Variants in MAPKAP1 observed in about 807,000 individuals in gnomAD.
MAPKAP1 encodes MAPK associated protein 1.
Under a neutral mutation model 65.7 loss-of-function variants are expected in MAPKAP1, and 20 were observed. That is an observed-to-expected ratio of 0.30 (90% CI 0.21 to 0.44). MAPKAP1 has a LOEUF of 0.44. MAPKAP1 is among the 20% of genes least tolerant of loss of function. The pLI is 1.00. For missense variants in MAPKAP1, 423 were observed against 648.0 expected (o/e 0.65, Z 3.77); for synonymous variants, 222 against 244.3 (o/e 0.91, Z 0.85).
chr9:125,528,847 CAAAAAAAAAA>C (rs61378848), intron 7 of MAPKAP1, among the ~76,000 whole-genome samples: 18 of 44,126 alleles, frequency 4.1e-4, no homozygotes, highest in African/African-American at 1.2e-3. Flanking sequence ...GACTCCGTCT[CAAAAAAAAAA>C]AAAAAAAAAA....
At chr9:125,450,854 G>A (rs1852920882) in intron 10 of MAPKAP1, among the ~76,000 whole-genome samples, 1 of 152,084 alleles carries the variant, frequency 6.6e-6, no homozygotes, top group Non-Finnish European at 1.5e-5. Context: ...TTTGGTCTCT[G>A]GGCTGAAAAC....
At chr9:125,490,774 G>C (rs1368590578) in intron 8 of MAPKAP1, among the ~76,000 whole-genome samples, 3 of 152,108 alleles carry the variant, frequency 2.0e-5, no homozygotes, top group African/African-American at 7.2e-5. Flanking sequence ...GAAAATCCAG[G>C]TGTCTTCTAT....
At chr9:125,540,494 G>T (rs927887142) in intron 7 of MAPKAP1, among the ~76,000 whole-genome samples, 3 of 152,236 alleles carry the variant, frequency 2.0e-5, no homozygotes, top group African/African-American at 7.2e-5. Context: ...CATGGCATGT[G>T]TATTTTGATT....
At chr9:125,668,741 CTAA>C (rs1307723744) in intron 3 of MAPKAP1, among the ~76,000 whole-genome samples, 1 of 152,138 alleles carries the variant, frequency 6.6e-6, no homozygotes, top group Non-Finnish European at 1.5e-5. Context: ...ACAGCAAATG[CTAA>C]TAATACCAGC....
chr9:125,439,079 G>A lies in MAPKAP1; in HGVS notation c.1444-67C>T. ...TCCCTACCCACCCAGGGCATCGGAG[G>A]GGGTGGCAGGGAAGGCCCTGACCTG... On this transcript the variant is annotated intron_variant, in intron 11 of 11. Coordinates refer to ENST00000265960, the MANE Select transcript of MAPKAP1 (RefSeq NM_001006617.3). This position sits in a 1 kb window ranked among gnomAD's most constrained non-coding sequence, Gnocchi z 4.0. The A allele has an allele frequency of 2.5e-6, 4 of 1,582,818 alleles. No homozygotes were observed. The highest frequency in any genetic ancestry group is 3.4e-6 in the Non-Finnish European group (4 of 1,162,892).
intron 4 of MAPKAP1, among the ~76,000 whole-genome samples, chr9:125,609,215 G>A (rs987985189): frequency 6.6e-6 from 1 of 152,090 alleles, no homozygotes; most frequent in African/African-American, 2.4e-5. Context: ...CTGAACTGAT[G>A]GGAATGAAAA....
intron 1 of MAPKAP1, among the ~76,000 whole-genome samples, chr9:125,687,397 A>T (rs1459093521): frequency 6.6e-6 from 1 of 152,122 alleles, no homozygotes. Context: ...TGACTTTAGG[A>T]GAGTCAGTGC....
intron 1 of MAPKAP1, among the ~76,000 whole-genome samples, chr9:125,689,416 C>A (rs1346174381): frequency 9.1e-6 from 1 of 109,568 alleles, no homozygotes; most frequent in East Asian, 2.7e-4. Flanking sequence ...GCCTGGGCGA[C>A]AGAGTGAGAC....
chr9:125,499,114 G>C (rs984247917), intron 8 of MAPKAP1, among the ~76,000 whole-genome samples: 3 of 152,210 alleles, frequency 2.0e-5, no homozygotes, highest in Admixed American at 6.5e-5. Context: ...AGGTCACACA[G>C]CTAGTAAGTG....
chr9:125,638,684 G>A (rs945152858), intron 4 of MAPKAP1, among the ~76,000 whole-genome samples: 1 of 152,052 alleles, frequency 6.6e-6, no homozygotes, highest in African/African-American at 2.4e-5. Context: ...TCAATCATTC[G>A]GGCCTGAGGA....
chr9:125,687,479 A>G (rs1835018493), intron 1 of MAPKAP1, among the ~76,000 whole-genome samples: 1 of 152,166 alleles, frequency 6.6e-6, no homozygotes, highest in Non-Finnish European at 1.5e-5. Flanking sequence ...TGATGCTGCT[A>G]TAAAACAAAA....
At chr9:125,578,257 C>A (rs1322385492) in intron 5 of MAPKAP1, among the ~76,000 whole-genome samples, 4 of 152,042 alleles carry the variant, frequency 2.6e-5, no homozygotes, top group African/African-American at 7.3e-5. Context: ...GTCATCACCA[C>A]TCCCTAATCT....
chr9:125,590,409 G>A (rs780194015), intron 4 of MAPKAP1, among the ~76,000 whole-genome samples: 2 of 152,086 alleles, frequency 1.3e-5, no homozygotes, highest in Non-Finnish European at 2.9e-5. Context: ...CAGCACTTTG[G>A]GAGGAAAAGG....
chr9:125,445,152 G>GC (rs1278707605), intron 10 of MAPKAP1, among the ~76,000 whole-genome samples: 1 of 151,876 alleles, frequency 6.6e-6, no homozygotes, highest in South Asian at 2.1e-4. Context: ...GGGCGGGGGG[G>GC]GCACCATGGA....
intron 7 of MAPKAP1, among the ~76,000 whole-genome samples, chr9:125,518,909 T>C (rs1829540606): frequency 1.3e-5 from 2 of 152,118 alleles, no homozygotes; most frequent in South Asian, 4.2e-4. Flanking sequence ...ACCTGTGGGG[T>C]AGAGGAAGGT....
intron 10 of MAPKAP1, among the ~76,000 whole-genome samples, chr9:125,446,504 C>T (rs1031910959): frequency 2.6e-5 from 4 of 152,252 alleles, no homozygotes; most frequent in Middle Eastern, 3.4e-3. Context: ...ACAGGATCTA[C>T]CCCACAACAT....
intron 10 of MAPKAP1, among the ~76,000 whole-genome samples, chr9:125,456,861 A>G (rs1853180821): frequency 6.7e-6 from 1 of 150,154 alleles, no homozygotes; most frequent in Non-Finnish European, 1.5e-5. Flanking sequence ...CTGACCCACC[A>G]AACTGTAAGA....
rs1351277404 is a variant in MAPKAP1 at position 125,672,576 on chromosome 9, CT to C, written c.-3del. 1 of 1,612,950 alleles carries C rather than the reference CT, an allele frequency of 6.2e-7. No homozygotes were observed. Among genetic ancestry groups the C allele is most frequent in the Admixed American group, 1.7e-5 (1 of 60,012 alleles). On this transcript the variant is annotated 5_prime_UTR_variant, in exon 2 of 12. Coordinates refer to ENST00000265960, the MANE Select transcript of MAPKAP1 (RefSeq NM_001006617.3). ...AGTTGGATTGTCCAAGAAGGCCATC[CT>C]TTCTGTGGGCCAATTTCCTTAAAAG...
chr9:125,447,860 G>A lies in MAPKAP1; in HGVS notation c.1346-3262C>T, dbSNP rs113802057. On this transcript the variant is annotated intron_variant, in intron 10 of 11. Coordinates refer to ENST00000265960, the MANE Select transcript of MAPKAP1 (RefSeq NM_001006617.3). This position sits in a 1 kb window ranked among gnomAD's most constrained non-coding sequence, Gnocchi z 4.5. Reference sequence around the variant, plus strand: ...GGGAGTCAGCTGGGTAAAGGTGAGGGTGGAGAAGGGTGAAAAAGAGGAAGA... The same window carrying A: ...GGGAGTCAGCTGGGTAAAGGTGAGGATGGAGAAGGGTGAAAAAGAGGAAGA... Among the ~76,000 whole-genome samples, 16 of 152,326 alleles carry A rather than the reference G, an allele frequency of 1.1e-4. 1 individual carries two copies. Among genetic ancestry groups the A allele is most frequent in the African/African-American group, 3.4e-4 (14 of 41,580 alleles).
Sources: allele counts gnomAD v4.1 joint callset (sites outside exome capture counted in the v4.1 genomes callset), GRCh38; gene constraint gnomAD v4.1.1; non-coding constraint Gnocchi (gnomAD v3.1); transcripts MANE v1.5; gene names NCBI Gene and HGNC (gene_info 2026-07-23, HGNC 2026-07-21).